MMS19: variants seen among roughly 807,000 people sequenced by gnomAD.
MMS19 encodes the protein MMS19 cytosolic iron-sulfur assembly component, also known as MMS19 nucleotide excision repair protein homolog.
A neutral mutation model predicts 129.8 loss-of-function variants in MMS19; 77 were observed. The ratio of observed to expected loss-of-function variants is 0.59; its 90% CI spans 0.49 to 0.72. The LOEUF is 0.72. Ranked by LOEUF, MMS19 falls within the 30% of genes least tolerant of loss-of-function variation. MMS19 has a pLI of 0.00. For synonymous variants in MMS19, 491 were observed against 502.8 expected (o/e 0.98, Z 0.31); for missense variants, 1,168 against 1,266.3 (o/e 0.92, Z 1.18).
chr10:97,495,544 ACT>A (rs1306920363), intron 1 of MMS19, among the ~76,000 whole-genome samples: 5 of 152,180 alleles, frequency 3.3e-5, no homozygotes, highest in Non-Finnish European at 5.9e-5. Flanking sequence ...ACGCTTCAAC[ACT>A]CTGTTATCCT....
At chr10:97,461,687 A>G (rs2133307650) in intron 22 of MMS19, 65 bp from the exon 23 acceptor site, 1 of 1,569,494 alleles carries the variant, frequency 6.4e-7, no homozygotes. Context: ...ACCAGTACAT[A>G]GTGGCAGCAG....
intron 1 of MMS19, among the ~76,000 whole-genome samples, chr10:97,490,687 C>G (rs554541889): frequency 1.3e-5 from 2 of 152,308 alleles, no homozygotes; most frequent in South Asian, 2.1e-4. Context: ...AGTCTGTGGT[C>G]TCACAGCAAC....
intron 16 of MMS19, 142 bp downstream of exon 16, chr10:97,466,362 C>A: frequency 1.3e-6 from 1 of 781,432 alleles, no homozygotes; most frequent in Admixed American, 2.1e-5. Flanking sequence ...AACTGGTTAG[C>A]AGCCAGAGTC....
In MMS19 at chr10:97,490,754, A is replaced by G. The variant is rs568726525; in HGVS notation, c.113-6603T>C. ...CTAGCACCACAGTAAGAAGTCGTCC[A>G]ATGAGACTGAGGAAAATGAGAGCTC... On this transcript the variant is annotated intron_variant, in intron 1 of 30. Transcript: ENST00000438925. Among the ~76,000 whole-genome samples the G allele has an allele frequency of 3.5e-4, 53 of 152,358 alleles. 3 individuals are homozygous for G. The highest frequency in any genetic ancestry group is 1.3e-3 in the African/African-American group (52 of 41,582).
chr10:97,471,635 C>A (rs572394696), intron 8 of MMS19, among the ~76,000 whole-genome samples: 1 of 152,170 alleles, frequency 6.6e-6, no homozygotes, highest in East Asian at 1.9e-4. Context: ...CTCAACCTCC[C>A]AAGTAGCTGG....
intron 13 of MMS19, 81 bp from the exon 14 acceptor site, chr10:97,467,664 C>G: frequency 2.2e-6 from 3 of 1,345,936 alleles, no homozygotes; most frequent in Non-Finnish European, 3.1e-6. Flanking sequence ...AGGGAAAATT[C>G]TTTCTTTCTT....
chr10:97,484,224 T>C (rs1034999750), intron 1 of MMS19, 73 bp from the exon 2 acceptor site: 34 of 1,038,914 alleles, frequency 3.3e-5, no homozygotes, highest in Non-Finnish European at 4.3e-5. Context: ...ACACTAATTA[T>C]AATGTTTCCT....
Position 97,458,478 on chromosome 10 carries a change from A to T in MMS19, c.*214T>A. On this transcript the variant is annotated 3_prime_UTR_variant, in exon 31 of 31. Coordinates refer to ENST00000438925, the MANE Select transcript of MMS19 (RefSeq NM_022362.5). The stretch of plus-strand genomic sequence containing the variant: ...CCCAGGACCCTAGATCTTTCTTCAA[A>T]CGCAAGTGTCTCACACACACTTATT... The T allele has an allele frequency of 1.8e-6, 1 of 569,302 alleles. No homozygotes were observed. Among genetic ancestry groups the T allele is most frequent in the Non-Finnish European group, 3.1e-6 (1 of 324,508 alleles). The allele number at this position is 569,302 out of a possible 1,614,324, so 35.3% of individuals were successfully genotyped here. A position where few individuals can be genotyped will look rare whatever the true frequency, so the allele number is the denominator to read the frequency against.
At chr10:97,482,733 T>TACAC (rs1450510190) in intron 2 of MMS19, among the ~76,000 whole-genome samples, 2 of 114,266 alleles carry the variant, frequency 1.8e-5, no homozygotes, top group African/African-American at 6.7e-5. Flanking sequence ...TGTGTGTATA[T>TACAC]ATATACACAC....
intron 12 of MMS19, 42 bp from the exon 13 acceptor site, chr10:97,468,448 T>C: frequency 6.5e-7 from 1 of 1,545,702 alleles, no homozygotes; most frequent in Non-Finnish European, 8.8e-7. Flanking sequence ...GGAGGCCAAA[T>C]GGTGCCTGAC....
intron 25 of MMS19, 120 bp downstream of exon 25, chr10:97,460,575 A>G: frequency 1.1e-6 from 1 of 899,682 alleles, no homozygotes; most frequent in Non-Finnish European, 1.8e-6. Flanking sequence ...CTGTCTCCAA[A>G]AAGAAAAAAG....
At chr10:97,480,101 G>A (rs1474178617) in intron 3 of MMS19, 2 of 356,000 alleles carry the variant, frequency 5.6e-6, no homozygotes, top group Non-Finnish European at 1.1e-5. Flanking sequence ...ATATCATGGT[G>A]CCCTGCATTT....
chr10:97,486,891 A>ATATG (rs1311295158), intron 1 of MMS19, among the ~76,000 whole-genome samples: 3 of 132,340 alleles, frequency 2.3e-5, no homozygotes, highest in Non-Finnish European at 4.9e-5. Flanking sequence ...ATATATATAT[A>ATATG]TATAAAATTA....
intron 11 of MMS19, 52 bp from the exon 12 acceptor site, chr10:97,469,156 C>T: frequency 6.5e-7 from 1 of 1,527,492 alleles, no homozygotes; most frequent in Non-Finnish European, 8.7e-7. Flanking sequence ...CCAGATGAGA[C>T]CCCACCAATC....
chr10:97,498,573 G>T (rs2040244711), upstream of MMS19: 3 of 669,798 alleles, frequency 4.5e-6, no homozygotes, highest in Non-Finnish European at 7.1e-6. Flanking sequence ...GGCACCGAGA[G>T]GGAAGGCGGC....
intron 19 of MMS19, among the ~76,000 whole-genome samples, chr10:97,463,163 GTTTTT>G (rs11369236): frequency 3.1e-5 from 4 of 129,240 alleles, no homozygotes; most frequent in Non-Finnish European, 4.9e-5. Context: ...CTGTGAAACA[GTTTTT>G]TTTTTTTTTT....
At chr10:97,466,445 T>C (rs2033508255) in intron 16 of MMS19, 59 bp downstream of exon 16, 5 of 1,349,422 alleles carry the variant, frequency 3.7e-6, no homozygotes, top group Admixed American at 3.4e-5. Context: ...GCTTGATCTT[T>C]TGCTGCCAAT....
intron 15 of MMS19, 46 bp from the exon 16 acceptor site, chr10:97,466,631 C>T: frequency 1.3e-6 from 2 of 1,575,540 alleles, no homozygotes; most frequent in Non-Finnish European, 1.7e-6. Flanking sequence ...TCCCCTGCAG[C>T]CATCACAACC....
chr10:97,498,306 G>T lies in MMS19; in HGVS notation c.79C>A (p.Gln27Lys). 1 of 1,572,060 alleles carries T rather than the reference G, an allele frequency of 6.4e-7. No individual in the cohort carries two copies. Among genetic ancestry groups the T allele is most frequent in the South Asian group, 1.1e-5 (1 of 87,252 alleles). The change falls in exon 1 of 31, where the codon CAG becomes AAG. Residue 27 changes from glutamine to lysine, a missense_variant. Gln to Lys is a moderately conservative substitution (Grantham distance 53). This residue lies in a region of MMS19 where 329 missense variants were observed against 328.6 expected (regional missense o/e 1.00). Coordinates refer to ENST00000438925, the MANE Select transcript of MMS19 (RefSeq NM_022362.5). ...ACCTGGTCAGCGGGGCCCTCTTGCT[G>T]ACCCACGACGAAGTCGTGCACGAGG... is the stretch of plus-strand genomic sequence containing the variant. ...WGLVHDFVVGQQEGPADQVAA... is the reference protein window; with the variant it reads ...WGLVHDFVVGKQEGPADQVAA...
Sources: gnomAD v4.1 joint callset for allele counts (sites outside exome capture counted in the v4.1 genomes callset) on GRCh38, gnomAD v4.1.1 for gene constraint, gnomAD v4.1.1 regional missense constraint, MANE v1.5 for transcripts, NCBI Gene and HGNC (gene_info 2026-07-23, HGNC 2026-07-21) for gene names.